The following DGKI variants were observed in gnomAD, a reference collection of about 807,000 sequenced individuals.
DGKI encodes diacylglycerol kinase iota.
A neutral mutation model predicts 147.5 loss-of-function variants in DGKI; 55 were observed. That is an observed-to-expected ratio of 0.37 (90% CI 0.30 to 0.47). DGKI has a LOEUF of 0.47. Among genes scored for constraint, DGKI ranks in the 20% least tolerant of loss-of-function variants. DGKI has a pLI of 1.00. For missense variants in DGKI, 1,007 were observed against 1,323.8 expected (o/e 0.76, Z 3.71); for synonymous variants, 469 against 477.1 (o/e 0.98, Z 0.22).
rs142433066 is a variant in DGKI, at chr7:137,846,800, G to T, written c.63C>A (p.Arg21=). The change falls in exon 1 of 33, where the codon CGC becomes CGA. Residue 21 remains arginine (R), a synonymous_variant. Coordinates refer to ENST00000614521, the MANE Select transcript of DGKI (RefSeq NM_001321708.2). This position sits in a 1 kb window ranked among gnomAD's most constrained non-coding sequence, Gnocchi z 4.0. ...LPLPAARGPA[R]APAAAAAAAA... is the part of the protein sequence containing the mutation. ...CGGCGGCGGCGGCGGCTGCAGGAGC[G>T]CGGGCAGGTCCGCGCGCCGCTGGCA... The T allele has an allele frequency of 0.017, 19,083 of 1,119,396 alleles. 1,736 individuals are homozygous for T. The African/African-American group carries it at 0.23, about 13-fold the overall frequency. The allele number at this position is 1,119,396 out of a possible 1,614,324, so 69.3% of individuals were successfully genotyped here.
chr7:137,590,775 G>A lies in DGKI; in HGVS notation c.1312-3565C>T, dbSNP rs557117936. Among the ~76,000 whole-genome samples, 4 of 152,260 alleles carry A rather than the reference G, an allele frequency of 2.6e-5. No homozygotes were observed. In the East Asian group the frequency reaches 5.8e-4, roughly 22 times the overall value. On this transcript the variant is annotated intron_variant, in intron 12 of 32. Coordinates refer to ENST00000614521, the MANE Select transcript of DGKI (RefSeq NM_001321708.2). ...TGGTGCAATCTCAGCTCACTGAAGCGTCTACCTCGTGGGCTCAAGCGATTC... is the reference window on the plus strand; with the variant it reads ...TGGTGCAATCTCAGCTCACTGAAGCATCTACCTCGTGGGCTCAAGCGATTC...
intron 14 of DGKI, 48 bp from the exon 15 acceptor site, chr7:137,581,976 G>C: frequency 2.0e-6 from 3 of 1,477,648 alleles, no homozygotes; most frequent in Non-Finnish European, 2.8e-6. Flanking sequence ...TGGCCAGGCA[G>C]AAAGAGAAGA....
At chr7:137,599,765 A>C (rs17263177) in intron 11 of DGKI, 58 bp downstream of exon 11, 28,422 of 1,494,448 alleles carry the variant, frequency 0.019, 354 homozygotes, top group Non-Finnish European at 0.022. Flanking sequence ...ATAATGAAGC[A>C]GAAAATTCTC....
chr7:137,680,676 A>T (rs2116404458), intron 2 of DGKI, among the ~76,000 whole-genome samples: 1 of 152,188 alleles, frequency 6.6e-6, no homozygotes, highest in African/African-American at 2.4e-5. Flanking sequence ...GCTACTCAGG[A>T]GCCTGAGGCA....
rs543156020 is a variant in DGKI, at chr7:137,666,111, A to C, written c.607-9571T>G. ...TCTTTTTAAGGGAGGAAAAAGGTAC[A>C]TGTCTGTATCTCAACAGTTTACCCT... On this transcript the variant is annotated intron_variant, in intron 3 of 32. Transcript: ENST00000614521. Among the ~76,000 whole-genome samples, 18 of 152,368 alleles carry C rather than the reference A, an allele frequency of 1.2e-4. No individual in the cohort carries two copies. The South Asian group carries it at 3.7e-3, about 32-fold the overall frequency.
intron 5 of DGKI, among the ~76,000 whole-genome samples, chr7:137,647,374 G>A (rs1482660528): frequency 6.6e-6 from 1 of 152,110 alleles, no homozygotes; most frequent in African/African-American, 2.4e-5. Context: ...TCATTATTAA[G>A]CAATTATAAT....
chr7:137,655,476 G>A (rs1044587088), intron 4 of DGKI, among the ~76,000 whole-genome samples: 7 of 152,188 alleles, frequency 4.6e-5, no homozygotes, highest in Admixed American at 1.3e-4. Flanking sequence ...GGGATTACAG[G>A]CATGAGCCAC....
At position 137,381,598 on chromosome 7, in the gene DGKI, A is replaced by G. The variant is rs1811062501; in HGVS notation, c.*9622T>C. On this transcript the variant is annotated 3_prime_UTR_variant, in exon 33 of 33. Coordinates refer to ENST00000614521, the MANE Select transcript of DGKI (RefSeq NM_001321708.2). ...ACTCAGAAATCAAATTAAATCAAATATATTCATTCTTTTAGAACTGAGATT... is the reference window on the plus strand; with the variant it reads ...ACTCAGAAATCAAATTAAATCAAATGTATTCATTCTTTTAGAACTGAGATT... The G allele has an allele frequency of 1.3e-5, 2 of 151,970 alleles. No homozygotes were observed. Among genetic ancestry groups the G allele is most frequent in the East Asian group, 3.9e-4 (2 of 5,158 alleles). 9.4% of individuals were successfully genotyped at this position (151,970 alleles called of 1,614,324 possible).
rs781364847 is a variant in DGKI, at chr7:137,795,706, C to T, written c.401+50756G>A. Among the ~76,000 whole-genome samples the T allele has an allele frequency of 2.0e-5, 3 of 152,162 alleles. No homozygotes were observed. The East Asian group carries it at 5.8e-4, about 29-fold the overall frequency. On this transcript the variant is annotated intron_variant, in intron 1 of 32. Coordinates refer to ENST00000614521, the MANE Select transcript of DGKI (RefSeq NM_001321708.2). The stretch of plus-strand genomic sequence containing the variant: ...TCCCAGGAAGGATCTGAGAAGACCC[C>T]AATCTCTCACTTTTGGCTGACAAAG...
At chr7:137,683,578 T>G (rs1435018037) in intron 2 of DGKI, among the ~76,000 whole-genome samples, 2 of 152,130 alleles carry the variant, frequency 1.3e-5, no homozygotes, top group Non-Finnish European at 2.9e-5. Flanking sequence ...GCATTTCCCT[T>G]TTTGGTGCCA....
intron 12 of DGKI, among the ~76,000 whole-genome samples, chr7:137,588,034 C>T (rs745760476): frequency 3.9e-5 from 6 of 152,084 alleles, no homozygotes; most frequent in Non-Finnish European, 7.4e-5. Context: ...AATAGTGTTT[C>T]GCAGGCCTAA....
intron 21 of DGKI, among the ~76,000 whole-genome samples, chr7:137,491,380 G>A (rs1815757699): frequency 6.6e-6 from 1 of 152,022 alleles, no homozygotes; most frequent in South Asian, 2.1e-4. Flanking sequence ...TTACTTTCTA[G>A]GAAAAACATT....
At chr7:137,479,754 C>G (rs1313051484) in intron 23 of DGKI, among the ~76,000 whole-genome samples, 3 of 152,106 alleles carry the variant, frequency 2.0e-5, no homozygotes, top group Admixed American at 2.0e-4. Flanking sequence ...AATGGCCAAT[C>G]AATAATCACC....
rs1794578795 is a variant in DGKI at position 137,722,177 on chromosome 7, C to G, written c.402-32175G>C. 2.8e-5 allele frequency: 45 copies of G among 1,600,222 alleles called. No individual in the cohort carries two copies. The South Asian group carries it at 4.7e-4, about 17-fold the overall frequency. On this transcript the variant is annotated intron_variant, in intron 1 of 32. Coordinates refer to ENST00000614521, the MANE Select transcript of DGKI (RefSeq NM_001321708.2). ...AGGTATTCCCGATCTGCTATGTATT[C>G]CAGAAAGGCCATGTACAAGAGGAAG...
intron 28 of DGKI, among the ~76,000 whole-genome samples, chr7:137,419,503 A>G (rs116762958): frequency 0.019 from 2,838 of 152,316 alleles, 79 homozygotes; most frequent in African/African-American, 0.064. Context: ...GCAGCCAGCC[A>G]TGGTACATGA....
intron 6 of DGKI, among the ~76,000 whole-genome samples, chr7:137,638,643 T>TATATATACACAC (rs1821499334): frequency 2.2e-4 from 1 of 4,566 alleles, no homozygotes; most frequent in South Asian, 0.011. Context: ...TGTATATATG[T>TATATATACACAC]GTATGTATAT....
intron 10 of DGKI, among the ~76,000 whole-genome samples, chr7:137,605,064 T>C (rs181519394): frequency 6.6e-6 from 1 of 152,158 alleles, no homozygotes; most frequent in African/African-American, 2.4e-5. Context: ...TCCCAGCACT[T>C]TGGGAGGCCA....
chr7:137,620,554 A>G (rs922039365), intron 7 of DGKI, among the ~76,000 whole-genome samples: 4 of 152,180 alleles, frequency 2.6e-5, no homozygotes, highest in African/African-American at 9.7e-5. Context: ...AACAAAGTAC[A>G]AAGAGATTGC....
rs1483063675 is a variant in DGKI at position 137,790,027 on chromosome 7, T to C, written c.401+56435A>G. Among the ~76,000 whole-genome samples, 4 of 152,176 alleles carry C rather than the reference T, an allele frequency of 2.6e-5. 1 individual carries two copies. In the South Asian group the frequency reaches 8.3e-4, roughly 32 times the overall value. On this transcript the variant is annotated intron_variant, in intron 1 of 32. Coordinates refer to ENST00000614521, the MANE Select transcript of DGKI (RefSeq NM_001321708.2). ...AACAAGAAAATAAATATTTTAGCCTTTGAAGACCACACAATCTCAGTCACA... is the reference window on the plus strand; with the variant it reads ...AACAAGAAAATAAATATTTTAGCCTCTGAAGACCACACAATCTCAGTCACA...
Sources: allele counts gnomAD v4.1 joint callset (sites outside exome capture counted in the v4.1 genomes callset), GRCh38; gene constraint gnomAD v4.1.1; non-coding constraint Gnocchi (gnomAD v3.1); transcripts MANE v1.5; gene names NCBI Gene and HGNC (gene_info 2026-07-23, HGNC 2026-07-21).